SHANK2: variants seen among roughly 807,000 people sequenced by gnomAD.
The protein encoded by SHANK2 is SH3 and multiple ankyrin repeat domains 2, also known as SH3 and multiple ankyrin repeat domains protein 2.
A neutral mutation model predicts 133.7 loss-of-function variants in SHANK2; 43 were observed. The ratio of observed to expected loss-of-function variants is 0.32; its 90% CI spans 0.25 to 0.41. The LOEUF (loss-of-function observed/expected upper bound fraction) is 0.41. Among genes scored for constraint, SHANK2 ranks in the 10% least tolerant of loss-of-function variants. The pLI, the probability that SHANK2 is intolerant of heterozygous loss-of-function variation, is 1.00. For missense variants in SHANK2, 1,994 were observed against 2,235.8 expected (o/e 0.89, Z 2.18); for synonymous variants, 1,017 against 952.8 (o/e 1.07, Z -1.24).
intron 2 of SHANK2, among the ~76,000 whole-genome samples, chr11:71,167,319 G>C (rs1260734931): frequency 6.6e-6 from 1 of 152,132 alleles, no homozygotes; most frequent in Non-Finnish European, 1.5e-5. Context: ...TCCCAGACGG[G>C]GTGGTGGCCG....
intron 10 of SHANK2, among the ~76,000 whole-genome samples, chr11:70,919,943 T>C (rs1360680541): frequency 6.6e-6 from 1 of 152,166 alleles, no homozygotes; most frequent in Non-Finnish European, 1.5e-5. Context: ...CCAAGCTTGG[T>C]AACTGGCAGC....
chr11:71,114,237 G>A (rs1951939015), intron 4 of SHANK2, among the ~76,000 whole-genome samples: 1 of 152,160 alleles, frequency 6.6e-6, no homozygotes. Flanking sequence ...TTGAATGTGA[G>A]CTTCCTGGCA....
rs1565250397 is a variant in SHANK2, at chr11:70,698,689, T to C, written c.1852A>G (p.Ser618Gly). ...VGSYDSFDTS[S>G]DCIIEEKTVV... ...GGAAGAGAAAGCAGCGCGTCTTACC[T>C]GGAAGTGTCGAAGCTGTCATAGGAG... Residue 618 changes from serine to glycine, a missense_variant and splice_region_variant, in exon 15 of 26, where the codon AGT becomes GGT. Physicochemically the swap from Ser to Gly is moderately conservative, Grantham distance 56. This residue lies in a region of SHANK2 where 653 missense variants were observed against 563.4 expected (regional missense o/e 1.16). Coordinates refer to ENST00000601538, the MANE Select transcript of SHANK2 (RefSeq NM_012309.5). 2 of 718,614 alleles carry C rather than the reference T, an allele frequency of 2.8e-6. No individual in the cohort carries two copies. The highest frequency in any genetic ancestry group is 2.7e-5 in the East Asian group (1 of 37,294). 44.5% of individuals were successfully genotyped at this position (718,614 alleles called of 1,614,324 possible).
intron 10 of SHANK2, among the ~76,000 whole-genome samples, chr11:70,929,815 T>A (rs77736946): frequency 1.3e-5 from 2 of 152,214 alleles, no homozygotes; most frequent in African/African-American, 4.8e-5. Context: ...TGGGGGGACA[T>A]TCTTTTAGCA....
chr11:70,647,922 T>C (rs949298624), intron 17 of SHANK2, among the ~76,000 whole-genome samples: 30 of 152,194 alleles, frequency 2.0e-4, no homozygotes, highest in Non-Finnish European at 3.7e-4. Context: ...CTCCTAGGTA[T>C]GTACCCTAAG....
chr11:70,815,721 C>T lies in SHANK2; in HGVS notation c.1493+4643G>A, dbSNP rs562522597. Among the ~76,000 whole-genome samples the T allele has an allele frequency of 7.7e-4, 118 of 152,278 alleles. 2 individuals carry two copies. The highest frequency in any genetic ancestry group is 2.6e-3 in the Admixed American group (40 of 15,306). The stretch of plus-strand genomic sequence containing the variant: ...GGTTGCTTGGTGCCAGCAGGAGTCC[C>T]GGTGGGGGCCCTGGGGAGGCTGGGA... On this transcript the variant is annotated intron_variant, in intron 12 of 25. Coordinates refer to ENST00000601538, the MANE Select transcript of SHANK2 (RefSeq NM_012309.5).
rs1225932034 is a variant in SHANK2, at chr11:70,569,882, G to A, written c.2062-66951C>T. Among the ~76,000 whole-genome samples the A allele has an allele frequency of 6.6e-6, 1 of 151,980 alleles. No homozygotes were observed. Among genetic ancestry groups the A allele is most frequent in the Non-Finnish European group, 1.5e-5 (1 of 68,000 alleles). ...GGGCAGGAGGTCAGTACGAGGAGACGGGGACGACGGTACAGAGCAAGACAG... is the reference window on the plus strand; with the variant it reads ...GGGCAGGAGGTCAGTACGAGGAGACAGGGACGACGGTACAGAGCAAGACAG... On this transcript the variant is annotated intron_variant, in intron 17 of 25. Transcript: ENST00000601538. This position sits in a 1 kb window ranked among gnomAD's most constrained non-coding sequence, Gnocchi z 5.1.
intron 4 of SHANK2, among the ~76,000 whole-genome samples, chr11:71,114,384 G>A (rs1379028502): frequency 3.5e-4 from 54 of 152,120 alleles, no homozygotes; most frequent in Non-Finnish European, 2.9e-5. Flanking sequence ...GGCAGGTGGC[G>A]GGTGAGCTCA....
chr11:71,142,236 C>T (rs1393281365), intron 3 of SHANK2, among the ~76,000 whole-genome samples: 4 of 152,296 alleles, frequency 2.6e-5, no homozygotes, highest in East Asian at 1.9e-4. Flanking sequence ...CGGTGGCTCA[C>T]GCCTATGTAA....
chr11:70,472,044 G>T lies in SHANK2; in HGVS notation c.*825C>A, dbSNP rs2135656291. The T allele has an allele frequency of 6.5e-6, 1 of 152,814 alleles. No homozygotes were observed. Among genetic ancestry groups the T allele is most frequent in the South Asian group, 2.1e-4 (1 of 4,830 alleles). 9.5% of individuals were successfully genotyped at this position (152,814 alleles called of 1,614,324 possible). A position where few individuals can be genotyped will look rare whatever the true frequency, so the allele number is the denominator to read the frequency against. ...CTGGAGACCTGGAGCTTGGGCAGTT[G>T]CACGCTGGCTGGCTCCCTTGGCCAG... On this transcript the variant is annotated 3_prime_UTR_variant, in exon 26 of 26. Coordinates refer to ENST00000601538, the MANE Select transcript of SHANK2 (RefSeq NM_012309.5). This position sits in a 1 kb window ranked among gnomAD's most constrained non-coding sequence, Gnocchi z 4.4.
chr11:70,638,669 G>A (rs184804599), intron 17 of SHANK2, among the ~76,000 whole-genome samples: 115 of 152,192 alleles, frequency 7.6e-4, no homozygotes, highest in Non-Finnish European at 1.4e-3. Flanking sequence ...AAATATAATA[G>A]AAAGATTTCC....
chr11:70,770,837 T>C (rs782531007), intron 14 of SHANK2, among the ~76,000 whole-genome samples: 7 of 151,804 alleles, frequency 4.6e-5, no homozygotes, highest in Non-Finnish European at 8.8e-5. Context: ...ACAGGCACAG[T>C]TAATCTGTGC....
At chr11:70,945,073 C>T (rs563762349) in intron 10 of SHANK2, among the ~76,000 whole-genome samples, 2 of 152,270 alleles carry the variant, frequency 1.3e-5, no homozygotes, top group South Asian at 4.1e-4. Context: ...TTTGAGATGA[C>T]AGCTTTCCTT....
intron 2 of SHANK2, among the ~76,000 whole-genome samples, chr11:71,173,656 C>T (rs894962794): frequency 3.3e-5 from 5 of 152,228 alleles, no homozygotes; most frequent in African/African-American, 1.2e-4. Flanking sequence ...GAAGAGTGTC[C>T]TCTCAAAATT....
chr11:70,847,106 G>A (rs1949008604), intron 11 of SHANK2, among the ~76,000 whole-genome samples: 1 of 152,170 alleles, frequency 6.6e-6, no homozygotes, highest in Admixed American at 6.5e-5. Flanking sequence ...CTCTGCCCCG[G>A]CCCATCATCA....
rs782516585 is a variant in SHANK2, at chr11:70,492,416, C to T, written c.2358G>A (p.Glu786=). ...CCACCCTCGGTTCCACAGCCATGTT[C>T]TCAGCAGCGCGGGAGGGCTTGGAGG... is the stretch of plus-strand genomic sequence containing the variant. ...VPASKPSRAA[E]NMAVEPRVAT... The change falls in exon 22 of 26, where the codon GAG becomes GAA. Residue 786 remains glutamate (E), a synonymous_variant. Transcript: ENST00000601538. The T allele has an allele frequency of 6.2e-7, 1 of 1,613,932 alleles. No homozygotes were observed. Among genetic ancestry groups the T allele is most frequent in the Admixed American group, 1.7e-5 (1 of 60,030 alleles).
intron 14 of SHANK2, among the ~76,000 whole-genome samples, chr11:70,760,137 G>A (rs1278983053): frequency 4.6e-5 from 7 of 152,354 alleles, no homozygotes; most frequent in Admixed American, 3.9e-4. Flanking sequence ...AGGTGAACAT[G>A]GGACGCATGT....
intron 2 of SHANK2, among the ~76,000 whole-genome samples, chr11:71,168,966 T>C (rs1555111685): frequency 6.6e-6 from 1 of 152,224 alleles, no homozygotes; most frequent in Non-Finnish European, 1.5e-5. Context: ...CAGTGATTTA[T>C]GAAATCAGGA....
chr11:71,149,056 G>A (rs1242941143), intron 2 of SHANK2, among the ~76,000 whole-genome samples: 7 of 152,092 alleles, frequency 4.6e-5, no homozygotes, highest in Non-Finnish European at 5.9e-5. Flanking sequence ...GTACAGTTGG[G>A]GACACAGATG....
Sources: gnomAD v4.1 joint callset for allele counts (sites outside exome capture counted in the v4.1 genomes callset) on GRCh38, gnomAD v4.1.1 for gene constraint, gnomAD v4.1.1 regional missense constraint, Gnocchi (gnomAD v3.1) non-coding constraint, MANE v1.5 for transcripts, NCBI Gene and HGNC (gene_info 2026-07-23, HGNC 2026-07-21) for gene names.